TRERF1: variants seen among roughly 807,000 people sequenced by gnomAD.
TRERF1 encodes transcriptional-regulating factor 1.
TRERF1 carries 27 observed loss-of-function variants against 122.9 expected under a neutral mutation model. The observed-to-expected ratio is 0.22, with a 90% confidence interval of 0.16 to 0.30. TRERF1 has a LOEUF of 0.30. Among genes scored for constraint, TRERF1 ranks in the 10% least tolerant of loss-of-function variants. The pLI is 1.00. For missense variants in TRERF1, 1,248 were observed against 1,560.3 expected (o/e 0.80, Z 3.37); for synonymous variants, 636 against 641.7 (o/e 0.99, Z 0.13).
At chr6:42,354,034 A>G (rs1770024421) in intron 3 of TRERF1, among the ~76,000 whole-genome samples, 1 of 152,228 alleles carries the variant, frequency 6.6e-6, no homozygotes, top group African/African-American at 2.4e-5. Context: ...ATATGTACCC[A>G]TTACCAGCTT....
At chr6:42,250,205 A>G (rs1582557572) in intron 13 of TRERF1, among the ~76,000 whole-genome samples, 1 of 151,940 alleles carries the variant, frequency 6.6e-6, no homozygotes, top group African/African-American at 2.4e-5. Flanking sequence ...CATGTTTTGA[A>G]CCTTCACTGG....
intron 3 of TRERF1, among the ~76,000 whole-genome samples, chr6:42,341,282 C>T (rs1160676466): frequency 6.6e-6 from 1 of 152,212 alleles, no homozygotes; most frequent in Non-Finnish European, 1.5e-5. Flanking sequence ...TTACAAATAA[C>T]TGTAAGAAGT....
chr6:42,343,586 C>T (rs1487956912), intron 3 of TRERF1, among the ~76,000 whole-genome samples: 1 of 152,164 alleles, frequency 6.6e-6, no homozygotes, highest in Non-Finnish European at 1.5e-5. Context: ...CCCCTTCAGG[C>T]CACAGGTCCT....
intron 3 of TRERF1, among the ~76,000 whole-genome samples, chr6:42,337,625 G>T: frequency 6.6e-6 from 1 of 152,118 alleles, no homozygotes; most frequent in South Asian, 2.1e-4. Context: ...ATCAACAGTG[G>T]GCATCAAGAT....
In TRERF1 at chr6:42,380,144, C is replaced by T. The variant is rs369350300; in HGVS notation, c.-453-17065G>A. On this transcript the variant is annotated intron_variant, in intron 2 of 17. Transcript: ENST00000372922. Reference sequence around the variant, plus strand: ...AAAGGATCAGCAAGTGCAAAGGCCCCGAGGTGGGAATCTCAGGAACAACCA... The same window carrying T: ...AAAGGATCAGCAAGTGCAAAGGCCCTGAGGTGGGAATCTCAGGAACAACCA... Among the ~76,000 whole-genome samples the T allele has an allele frequency of 1.5e-4, 22 of 142,274 alleles. No homozygotes were observed. The East Asian group carries it at 3.2e-3, about 21-fold the overall frequency. The allele number at this position is 142,274 out of a possible 152,430, so 93.3% of individuals were successfully genotyped here. A position where few individuals can be genotyped will look rare whatever the true frequency, so the allele number is the denominator to read the frequency against.
At chr6:42,434,851 GGT>G (rs979390516) in intron 2 of TRERF1, among the ~76,000 whole-genome samples, 2 of 152,150 alleles carry the variant, frequency 1.3e-5, no homozygotes, top group African/African-American at 4.8e-5. Flanking sequence ...CAATGGGCCG[GGT>G]GTGGTGGCTC....
intron 2 of TRERF1, among the ~76,000 whole-genome samples, chr6:42,416,581 T>C (rs183087565): frequency 1.6e-4 from 25 of 152,188 alleles, no homozygotes; most frequent in Non-Finnish European, 2.9e-4. Flanking sequence ...GGCTGCTGGG[T>C]TCTAATTATG....
chr6:42,297,208 T>G (rs1271500064), intron 4 of TRERF1, among the ~76,000 whole-genome samples: 1 of 152,162 alleles, frequency 6.6e-6, no homozygotes, highest in Non-Finnish European at 1.5e-5. Context: ...AAAGATATAC[T>G]TTTGGCAATA....
intron 2 of TRERF1, among the ~76,000 whole-genome samples, chr6:42,403,505 C>T (rs1779719269): frequency 6.6e-6 from 1 of 152,200 alleles, no homozygotes; most frequent in Non-Finnish European, 1.5e-5. Flanking sequence ...CACCAGGAGC[C>T]AGGAGAGAGG....
At chr6:42,357,959 G>C (rs2150910788) in intron 3 of TRERF1, among the ~76,000 whole-genome samples, 1 of 152,278 alleles carries the variant, frequency 6.6e-6, no homozygotes, top group Non-Finnish European at 1.5e-5. Flanking sequence ...TTTGCTACAA[G>C]TACTAACACC....
chr6:42,254,872 A>G, exon 13 of TRERF1: 1 of 1,614,214 alleles, frequency 6.2e-7, no homozygotes, highest in Non-Finnish European at 8.5e-7. Flanking sequence ...TAATTTGCTA[A>G]AGGATGACAT....
At chr6:42,297,457 C>T (rs1422741838) in intron 4 of TRERF1, among the ~76,000 whole-genome samples, 1 of 152,168 alleles carries the variant, frequency 6.6e-6, no homozygotes, top group East Asian at 1.9e-4. Flanking sequence ...GGGTTAAGAG[C>T]CTAGGGAGAC....
intron 3 of TRERF1, among the ~76,000 whole-genome samples, chr6:42,308,207 G>A (rs1412466635): frequency 5.3e-5 from 8 of 152,166 alleles, no homozygotes; most frequent in Non-Finnish European, 8.8e-5. Flanking sequence ...TGAAAAGGTG[G>A]AAAGAACCCA....
chr6:42,254,571 G>C (rs1257169502), intron 13 of TRERF1, among the ~76,000 whole-genome samples: 1 of 152,146 alleles, frequency 6.6e-6, no homozygotes, highest in African/African-American at 2.4e-5. Flanking sequence ...ACCTTCTGTG[G>C]CTCTCTCTGG....
intron 3 of TRERF1, among the ~76,000 whole-genome samples, chr6:42,362,406 G>A (rs777902911): frequency 2.6e-5 from 4 of 152,214 alleles, no homozygotes; most frequent in Admixed American, 6.5e-5. Context: ...ATCTCTTGCC[G>A]GATCAGGGTT....
intron 16 of TRERF1, among the ~76,000 whole-genome samples, chr6:42,235,702 T>C (rs188692837): frequency 6.6e-6 from 1 of 152,354 alleles, no homozygotes; most frequent in East Asian, 1.9e-4. Context: ...TTCTCAATTT[T>C]AAATTAGTGA....
chr6:42,245,972 G>A (rs2149620243), intron 14 of TRERF1, among the ~76,000 whole-genome samples: 1 of 152,332 alleles, frequency 6.6e-6, no homozygotes, highest in Non-Finnish European at 1.5e-5. Flanking sequence ...GCCGGGCGTG[G>A]TGGTGCATGC....
At chr6:42,423,726 TA>T (rs1031400814) in intron 2 of TRERF1, among the ~76,000 whole-genome samples, 3 of 150,054 alleles carry the variant, frequency 2.0e-5, no homozygotes, top group South Asian at 2.1e-4. Context: ...TCGGGTTATT[TA>T]AAAAAAAAAG....
chr6:42,426,423 G>A (rs952536543), intron 2 of TRERF1, among the ~76,000 whole-genome samples: 1 of 152,106 alleles, frequency 6.6e-6, no homozygotes, highest in African/African-American at 2.4e-5. Context: ...ATAGAAATGG[G>A]TGTTCACTAG....
Sources: gnomAD v4.1 joint callset for allele counts (sites outside exome capture counted in the v4.1 genomes callset) on GRCh38, gnomAD v4.1.1 for gene constraint, MANE v1.5 for transcripts, NCBI Gene and HGNC (gene_info 2026-07-23, HGNC 2026-07-21) for gene names.